The following TRIP12 variants were observed in gnomAD, a reference collection of about 807,000 sequenced individuals.
The protein encoded by TRIP12 is E3 ubiquitin-protein ligase TRIP12.
A neutral mutation model predicts 244.2 loss-of-function variants in TRIP12; 25 were observed. The observed-to-expected ratio is 0.10, with a 90% CI of 0.07 to 0.14. TRIP12 has a LOEUF of 0.14. TRIP12 is among the 10% of genes least tolerant of loss of function. The pLI is 1.00. For synonymous variants in TRIP12, 905 were observed against 873.1 expected (o/e 1.04, Z -0.64); for missense variants, 1,677 against 2,486.4 (o/e 0.67, Z 6.92).
chr2:229,859,708 C>A, intron 3 of TRIP12, 134 bp from the exon 4 acceptor site: 1 of 997,798 alleles, frequency 1.0e-6, no homozygotes, highest in Non-Finnish European at 1.4e-6. Flanking sequence ...TCAGAAGGTT[C>A]AAATCTGTAA....
chr2:229,852,004 G>A lies in TRIP12; in HGVS notation c.1027+6768C>T, dbSNP rs1311419116. ...TAACTCATTCTTATTTCCTCCCTCC[G>A]TGCTAGGGGCCCAAAGCACTAAGTC... On this transcript the variant is annotated intron_variant, in intron 4 of 41. Transcript: ENST00000675903. Among the ~76,000 whole-genome samples, 7 of 152,092 alleles carry A rather than the reference G, an allele frequency of 4.6e-5. No homozygotes were observed. The East Asian group carries it at 5.8e-4, about 13-fold the overall frequency.
intron 8 of TRIP12, among the ~76,000 whole-genome samples, chr2:229,826,285 C>T (rs2051564070): frequency 6.6e-6 from 1 of 152,068 alleles, no homozygotes; most frequent in Non-Finnish European, 1.5e-5. Flanking sequence ...TATGTACTTC[C>T]TAAGAACACA....
intron 1 of TRIP12, among the ~76,000 whole-genome samples, chr2:229,902,998 T>TTC (rs1553767562): frequency 1.7e-5 from 1 of 60,206 alleles, no homozygotes; most frequent in Non-Finnish European, 2.8e-5. Flanking sequence ...GTGCGGGTTT[T>TTC]TTTTTCTTTT....
At position 229,774,256 on chromosome 2, in the gene TRIP12, T is replaced by C. The variant is rs1282995647; in HGVS notation, c.5535A>G (p.Lys1845=). The change falls in exon 38 of 42, where the codon AAA becomes AAG. Residue 1845 remains lysine (K), a synonymous_variant. Transcript: ENST00000675903. ...TTTCTAATGCATACTGTAGACTCTC[T>C]TTGGTCTAAAAAACACAAATGGGGG... The part of the protein sequence containing the change: ...KRLEQDKSQT[K]ESLQYALETL... 7 of 1,605,704 alleles carry C rather than the reference T, an allele frequency of 4.4e-6. No homozygotes were observed. The highest frequency in any genetic ancestry group is 1.1e-5 in the South Asian group (1 of 88,984).
chr2:229,789,075 G>A, intron 31 of TRIP12, 135 bp from the exon 32 acceptor site: 1 of 765,696 alleles, frequency 1.3e-6, no homozygotes, highest in Non-Finnish European at 2.1e-6. Context: ...ACAACACACA[G>A]CCTCTCATTA....
chr2:229,785,927 C>A (rs1348018010), intron 33 of TRIP12, 72 bp from the exon 34 acceptor site: 3 of 1,359,544 alleles, frequency 2.2e-6, no homozygotes, highest in Non-Finnish European at 3.0e-6. Flanking sequence ...GGTGGCATTT[C>A]TTGAAATGCA....
At chr2:229,767,868 C>T (rs2032339575) in intron 41 of TRIP12, 118 bp from the exon 42 acceptor site, 2 of 1,020,956 alleles carry the variant, frequency 2.0e-6, no homozygotes, top group Non-Finnish European at 1.4e-6. Flanking sequence ...TCTTGCTTGG[C>T]AATTGCACAT....
chr2:229,769,372 T>C (rs2154227947), intron 39 of TRIP12, 47 bp from the exon 40 acceptor site: 1 of 1,579,036 alleles, frequency 6.3e-7, no homozygotes, highest in Non-Finnish European at 8.7e-7. Flanking sequence ...GAAACATTTG[T>C]TTACGTGAGT....
chr2:229,904,938 A>C (rs1045196165), intron 1 of TRIP12, among the ~76,000 whole-genome samples: 1 of 152,194 alleles, frequency 6.6e-6, no homozygotes, highest in Non-Finnish European at 1.5e-5. Context: ...GGAGAACTCT[A>C]TCTCTGAAGC....
intron 2 of TRIP12, among the ~76,000 whole-genome samples, chr2:229,869,436 A>C (rs1424517976): frequency 1.3e-5 from 2 of 152,200 alleles, no homozygotes; most frequent in Admixed American, 6.5e-5. Flanking sequence ...AATATAGTTG[A>C]CATATACCAC....
chr2:229,868,375 G>GT (rs1243405777), intron 2 of TRIP12, among the ~76,000 whole-genome samples: 18 of 152,024 alleles, frequency 1.2e-4, no homozygotes, highest in Non-Finnish European at 2.4e-4. Context: ...CTAATTTACT[G>GT]TATTTTTAGT....
At chr2:229,920,003 A>T (rs1210718029) in intron 1 of TRIP12, among the ~76,000 whole-genome samples, 1 of 152,236 alleles carries the variant, frequency 6.6e-6, no homozygotes, top group Non-Finnish European at 1.5e-5. Flanking sequence ...TATGAAAATC[A>T]GCCTCAATAA....
intron 26 of TRIP12, among the ~76,000 whole-genome samples, chr2:229,794,235 CAA>C (rs1195139497): frequency 6.6e-6 from 1 of 152,168 alleles, no homozygotes; most frequent in African/African-American, 2.4e-5. Flanking sequence ...TTAATTCAAA[CAA>C]AGTTTTTTAA....
chr2:229,913,770 TGC>T (rs1463550180), intron 1 of TRIP12, among the ~76,000 whole-genome samples: 1 of 152,192 alleles, frequency 6.6e-6, no homozygotes, highest in Non-Finnish European at 1.5e-5. Flanking sequence ...GGAAGCCTTG[TGC>T]TAGACACTGT....
At chr2:229,920,066 C>CAT in intron 1 of TRIP12, among the ~76,000 whole-genome samples, 1 of 152,284 alleles carries the variant, frequency 6.6e-6, no homozygotes, top group Non-Finnish European at 1.5e-5. Flanking sequence ...TTCCTCAACC[C>CAT]CCCCGGGGTG....
chr2:229,784,163 C>G (rs565074243), intron 34 of TRIP12, among the ~76,000 whole-genome samples: 1 of 149,406 alleles, frequency 6.7e-6, no homozygotes, highest in African/African-American at 2.4e-5. Flanking sequence ...ACTTATACTA[C>G]CTGATTATGA....
At chr2:229,814,520 C>G (rs1249487793) in intron 11 of TRIP12, 195 bp from the exon 12 acceptor site, 1 of 446,588 alleles carries the variant, frequency 2.2e-6, no homozygotes. Context: ...GTTTGCAGTT[C>G]TAAGATACTG....
intron 37 of TRIP12, among the ~76,000 whole-genome samples, chr2:229,776,199 T>C (rs998332949): frequency 1.3e-5 from 2 of 152,168 alleles, no homozygotes; most frequent in African/African-American, 4.8e-5. Flanking sequence ...ATGGTAGTTG[T>C]TGGGATTAAA....
At chr2:229,839,102 T>C (rs1169931264) in intron 5 of TRIP12, among the ~76,000 whole-genome samples, 1 of 152,270 alleles carries the variant, frequency 6.6e-6, no homozygotes, top group Non-Finnish European at 1.5e-5. Context: ...ACCACGTATA[T>C]GACCGTGGTC....
Sources: gnomAD v4.1 joint callset for allele counts (sites outside exome capture counted in the v4.1 genomes callset) on GRCh38, gnomAD v4.1.1 for gene constraint, MANE v1.5 for transcripts, NCBI Gene and HGNC (gene_info 2026-07-23, HGNC 2026-07-21) for gene names.